The following PTPA variants were observed in gnomAD, a reference collection of about 807,000 sequenced individuals.
PTPA encodes protein phosphatase 2 phosphatase activator.
A neutral mutation model predicts 43.6 loss-of-function variants in PTPA; 13 were observed. The observed-to-expected ratio is 0.30, with a 90% CI of 0.19 to 0.47. The LOEUF (loss-of-function observed/expected upper bound fraction) is 0.47, where lower values mean the gene tolerates loss of function less well. Ranked by LOEUF, PTPA falls within the 20% of genes least tolerant of loss-of-function variation. The pLI is 0.99. For synonymous variants in PTPA, 172 were observed against 158.2 expected, an observed-to-expected ratio of 1.09 and a Z score of -0.66; for missense variants, 329 against 411.9, an observed-to-expected ratio of 0.80 and a Z score of 1.74.
intron 7 of PTPA, 52 bp from the exon 8 acceptor site, chr9:129,137,540 C>G (rs1850453364): frequency 1.4e-6 from 2 of 1,470,754 alleles, no homozygotes; most frequent in Non-Finnish European, 1.9e-6. Context: ...CCGGGTTGCC[C>G]AGGTAGTCGT....
chr9:129,138,808 G>C (rs1331463438), intron 8 of PTPA, among the ~76,000 whole-genome samples: 1 of 152,238 alleles, frequency 6.6e-6, no homozygotes, highest in Non-Finnish European at 1.5e-5. Context: ...AGAGGCCAGA[G>C]GGGAATGACA....
intron 9 of PTPA, chr9:129,143,779 C>A: frequency 4.5e-6 from 1 of 220,684 alleles, no homozygotes; most frequent in Non-Finnish European, 9.3e-6. Context: ...TTCCTTCCGG[C>A]TGCAGCTGGC....
At chr9:129,128,184 C>T (rs1588505064) in intron 3 of PTPA, 2 of 550,466 alleles carry the variant, frequency 3.6e-6, no homozygotes, top group African/African-American at 2.0e-5. Context: ...GAATCCAGGC[C>T]CACCATGCTA....
chr9:129,111,819 G>C, intron 1 of PTPA, 188 bp downstream of exon 1: 1 of 1,207,602 alleles, frequency 8.3e-7, no homozygotes, highest in Non-Finnish European at 1.0e-6. Context: ...GCTGGGGAGG[G>C]AACCAGGGGC....
chr9:129,112,626 C>G (rs1006363785), intron 1 of PTPA, among the ~76,000 whole-genome samples: 2 of 152,096 alleles, frequency 1.3e-5, no homozygotes, highest in African/African-American at 4.8e-5. Context: ...TGTACAAAAC[C>G]TCTGGGTGTG....
At position 129,142,547 on chromosome 9, in the gene PTPA, G is replaced by A. The variant is rs1850954226; in HGVS notation, c.889G>A (p.Ala297Thr). The change falls in exon 9 of 10, where the codon GCC becomes ACC. Residue 297 changes from alanine (A) to threonine (T), a missense_variant. By Grantham distance (58) the Ala-to-Thr change is moderately conservative. Coordinates refer to ENST00000393370, the MANE Select transcript of PTPA (RefSeq NM_178000.3). Reference protein sequence around the residue: ...VNQGLIRMYKAECLEKFPVIQ... With the variant: ...VNQGLIRMYKTECLEKFPVIQ... ...CCAGGGTCTCATCCGCATGTATAAGGCCGAGGTGAGTGGGGGCTGGCCAGT... is the reference window on the plus strand; with the variant it reads ...CCAGGGTCTCATCCGCATGTATAAGACCGAGGTGAGTGGGGGCTGGCCAGT... 1 of 1,614,166 alleles carries A rather than the reference G, an allele frequency of 6.2e-7. No individual in the cohort carries two copies. Among genetic ancestry groups the A allele is most frequent in the Non-Finnish European group, 8.5e-7 (1 of 1,180,026 alleles).
chr9:129,131,571 C>G lies in PTPA; in HGVS notation c.392C>G (p.Ala131Gly), dbSNP rs1320488440. 1.2e-6 allele frequency: 2 copies of G among 1,614,142 alleles called. No homozygotes were observed. Among genetic ancestry groups the G allele is most frequent in the African/African-American group, 1.3e-5 (1 of 75,054 alleles). ...GTGGTCCCTACCCATCTGGCAGCTGCTGTGCCTGAGGTGGCTGTTTACCTA... is the reference window on the plus strand; with the variant it reads ...GTGGTCCCTACCCATCTGGCAGCTGGTGTGCCTGAGGTGGCTGTTTACCTA... ...ATVVPTHLAAAVPEVAVYLKE... is the reference protein window; with the variant it reads ...ATVVPTHLAAGVPEVAVYLKE... Residue 131 changes from alanine to glycine, a missense_variant, in exon 5 of 10, where the codon GCT becomes GGT. Ala to Gly is a moderately conservative substitution (Grantham distance 60). Coordinates refer to ENST00000393370, the MANE Select transcript of PTPA (RefSeq NM_178000.3).
chr9:129,111,591 C>T lies in PTPA; in HGVS notation c.-10C>T, dbSNP rs1307223260. 1.6e-6 allele frequency: 2 copies of T among 1,287,300 alleles called. No homozygotes were observed. Among genetic ancestry groups the T allele is most frequent in the Non-Finnish European group, 9.9e-7 (1 of 1,009,246 alleles). The allele number at this position is 1,287,300 out of a possible 1,614,324, so 79.7% of individuals were successfully genotyped here. ...TGCAAGCATCCGGGTCGGCTCCTGGCCGGAGCAAGATGGCTGAGGGCGAGC... is the reference window on the plus strand; with the variant it reads ...TGCAAGCATCCGGGTCGGCTCCTGGTCGGAGCAAGATGGCTGAGGGCGAGC... On this transcript the variant is annotated 5_prime_UTR_variant, in exon 1 of 10. Coordinates refer to ENST00000393370, the MANE Select transcript of PTPA (RefSeq NM_178000.3).
intron 3 of PTPA, among the ~76,000 whole-genome samples, chr9:129,126,348 T>C (rs1849579236): frequency 6.6e-6 from 1 of 151,636 alleles, no homozygotes; most frequent in Non-Finnish European, 1.5e-5. Context: ...GTCCATCTGA[T>C]TTTGTATTTT....
At chr9:129,112,761 G>T (rs1848622818) in intron 1 of PTPA, among the ~76,000 whole-genome samples, 1 of 152,162 alleles carries the variant, frequency 6.6e-6, no homozygotes, top group South Asian at 2.1e-4. Context: ...GACCAACATG[G>T]AGAAACTCCG....
chr9:129,116,547 G>A (rs1366471665), intron 1 of PTPA, among the ~76,000 whole-genome samples: 1 of 151,976 alleles, frequency 6.6e-6, no homozygotes, highest in Non-Finnish European at 1.5e-5. Flanking sequence ...CACCATGCCC[G>A]GCTAATTTTT....
intron 6 of PTPA, 47 bp from the exon 7 acceptor site, chr9:129,136,424 G>C: frequency 6.3e-7 from 1 of 1,577,442 alleles, no homozygotes; most frequent in Non-Finnish European, 8.6e-7. Context: ...GGGTGAGACT[G>C]TCTTTTTACT....
rs772517514 is a variant in PTPA, at chr9:129,120,518, T to C, written c.37T>C (p.Ser13Pro). The C allele has an allele frequency of 6.2e-6, 10 of 1,611,616 alleles. No homozygotes were observed. The highest frequency in any genetic ancestry group is 8.5e-6 in the Non-Finnish European group (10 of 1,178,410). ...TTTCATTTTTTTTTGTCAAGATTCT[T>C]CAGAGGAGGCCCCTCCAGCCACTCA... is the stretch of plus-strand genomic sequence containing the variant. ...EGERQPPPDSSEEAPPATQNF... is the reference protein window; with the variant it reads ...EGERQPPPDSPEEAPPATQNF... Residue 13 changes from serine (S) to proline (P), a missense_variant, in exon 2 of 10, where the codon TCA becomes CCA. By Grantham distance (74) the Ser-to-Pro change is moderately conservative. Transcript: ENST00000393370.
At chr9:129,144,470 G>A (rs1458031856) in intron 9 of PTPA, among the ~76,000 whole-genome samples, 10 of 152,154 alleles carry the variant, frequency 6.6e-5, no homozygotes, top group Admixed American at 5.9e-4. Context: ...CGGGCGTGGT[G>A]GCTCACGCCT....
chr9:129,118,287 C>T (rs1464192426), intron 1 of PTPA, among the ~76,000 whole-genome samples: 7 of 151,540 alleles, frequency 4.6e-5, no homozygotes, highest in Non-Finnish European at 8.8e-5. Flanking sequence ...CTCCTGATCT[C>T]GTGATCTGCC....
At chr9:129,111,316 GCATGCGCCC>G (rs1848455126), upstream of PTPA, 1 of 1,141,538 alleles carries the variant, frequency 8.8e-7, no homozygotes, top group African/African-American at 1.6e-5. Flanking sequence ...CCGTTGGCGC[GCATGCGCCC>G]CGCGCGCCCC....
intron 9 of PTPA, chr9:129,143,744 A>G: frequency 3.8e-6 from 1 of 264,942 alleles, no homozygotes; most frequent in Non-Finnish European, 7.4e-6. Flanking sequence ...GAGGCCTGAG[A>G]GCCCGTTGGC....
In PTPA at chr9:129,111,445, A is replaced by C; in HGVS notation, c.-156A>C. On this transcript the variant is annotated 5_prime_UTR_variant, in exon 1 of 10. Transcript: ENST00000393370. ...CATGGCGGCCGTCTTCGCTGTGGTG[A>C]CTTTAACTCTCGGTTTTCGGTTATA... 1 of 1,251,754 alleles carries C rather than the reference A, an allele frequency of 8.0e-7. No individual in the cohort carries two copies. Among genetic ancestry groups the C allele is most frequent in the Non-Finnish European group, 1.0e-6 (1 of 990,206 alleles). The allele number at this position is 1,251,754 out of a possible 1,614,324, so 77.5% of individuals were successfully genotyped here. A position where few individuals can be genotyped will look rare whatever the true frequency, so the allele number is the denominator to read the frequency against.
chr9:129,138,483 T>C (rs1457338075), intron 8 of PTPA, among the ~76,000 whole-genome samples: 2 of 152,166 alleles, frequency 1.3e-5, no homozygotes, highest in Non-Finnish European at 2.9e-5. Context: ...TGGACCTCTC[T>C]TGAGGGAGGT....
Sources: allele counts gnomAD v4.1 joint callset (sites outside exome capture counted in the v4.1 genomes callset), GRCh38; gene constraint gnomAD v4.1.1; transcripts MANE v1.5; gene names NCBI Gene and HGNC (gene_info 2026-07-23, HGNC 2026-07-21).